RASA1: variants seen among roughly 807,000 people sequenced by gnomAD.
The protein encoded by RASA1 is ras GTPase-activating protein 1.
Under a neutral mutation model 132.2 loss-of-function variants are expected in RASA1, and 25 were observed. That is an observed-to-expected ratio of 0.19 (90% confidence interval 0.14 to 0.26). The LOEUF is 0.26. Ranked by LOEUF, RASA1 falls within the 10% of genes least tolerant of loss-of-function variation. The probability of loss-of-function intolerance (pLI) is 1.00; values close to 1 mark genes in which losing one functional copy is unlikely to be tolerated. For synonymous variants in RASA1, 477 were observed against 449.9 expected, an observed-to-expected ratio of 1.06 and a Z score of -0.76; for missense variants, 964 against 1,299.2, an observed-to-expected ratio of 0.74 and a Z score of 3.97.
At chr5:87,277,753 G>A (rs944336358) in intron 1 of RASA1, among the ~76,000 whole-genome samples, 3 of 151,982 alleles carry the variant, frequency 2.0e-5, no homozygotes, top group African/African-American at 4.8e-5. Context: ...TGAGAAATAA[G>A]GTCCTCATTC....
chr5:87,343,643 C>T (rs1758638096), intron 6 of RASA1, among the ~76,000 whole-genome samples: 1 of 152,066 alleles, frequency 6.6e-6, no homozygotes. Flanking sequence ...AGTGCAGTTA[C>T]TATAGAGCAC....
At chr5:87,365,355 A>C (rs937283430) in intron 11 of RASA1, among the ~76,000 whole-genome samples, 1 of 152,156 alleles carries the variant, frequency 6.6e-6, no homozygotes, top group Non-Finnish European at 1.5e-5. Flanking sequence ...ACTTGGAGAC[A>C]GAGAGCTCTT....
intron 1 of RASA1, among the ~76,000 whole-genome samples, chr5:87,305,893 G>A (rs964937936): frequency 6.6e-6 from 1 of 152,200 alleles, no homozygotes; most frequent in Non-Finnish European, 1.5e-5. Context: ...CAACATCACT[G>A]ATCATTAGAG....
At chr5:87,323,119 A>C (rs1377430629) in intron 1 of RASA1, among the ~76,000 whole-genome samples, 1 of 152,220 alleles carries the variant, frequency 6.6e-6, no homozygotes, top group Non-Finnish European at 1.5e-5. Flanking sequence ...TATTTCCATG[A>C]CTGTGAATAA....
intron 1 of RASA1, among the ~76,000 whole-genome samples, chr5:87,289,172 A>G (rs1224682382): frequency 5.3e-5 from 8 of 152,054 alleles, no homozygotes; most frequent in Non-Finnish European, 1.2e-4. Context: ...ATGTGTCTCA[A>G]TTTGTATTTG....
intron 1 of RASA1, among the ~76,000 whole-genome samples, chr5:87,314,675 G>T (rs1012291183): frequency 1.3e-5 from 2 of 152,124 alleles, no homozygotes; most frequent in Non-Finnish European, 2.9e-5. Flanking sequence ...GGCAAGTAAA[G>T]ATGAGAAACA....
intron 1 of RASA1, among the ~76,000 whole-genome samples, chr5:87,285,075 TTTA>T (rs1754488181): frequency 2.7e-5 from 4 of 150,358 alleles, no homozygotes; most frequent in Non-Finnish European, 5.9e-5. Flanking sequence ...TATTTATTTA[TTTA>T]TTTATTTTGA....
At chr5:87,299,047 GGGA>G (rs1755240822) in intron 1 of RASA1, among the ~76,000 whole-genome samples, 1 of 152,136 alleles carries the variant, frequency 6.6e-6, no homozygotes, top group African/African-American at 2.4e-5. Flanking sequence ...CTAAGCATCT[GGGA>G]GTTCTTTATA....
At chr5:87,270,607 A>G (rs1011467662) in intron 1 of RASA1, among the ~76,000 whole-genome samples, 3 of 141,332 alleles carry the variant, frequency 2.1e-5, no homozygotes, top group Non-Finnish European at 4.6e-5. Context: ...TCAGCCTCCC[A>G]AAGTGGTGGG....
intron 1 of RASA1, among the ~76,000 whole-genome samples, chr5:87,315,806 T>C (rs1756286751): frequency 6.6e-6 from 1 of 152,216 alleles, no homozygotes; most frequent in African/African-American, 2.4e-5. Context: ...CTAGGAATTA[T>C]GGTTATTTGT....
chr5:87,349,112 A>C (rs1419953224), intron 7 of RASA1, 102 bp from the exon 8 acceptor site: 2 of 1,366,452 alleles, frequency 1.5e-6, no homozygotes, highest in South Asian at 1.3e-5. Context: ...GTGAAAATTT[A>C]CATATGTTTA....
At chr5:87,330,860 C>A (rs1441676479) in intron 1 of RASA1, 2 of 862,128 alleles carry the variant, frequency 2.3e-6, no homozygotes, top group Non-Finnish European at 3.3e-6. Flanking sequence ...AAATAGCATC[C>A]TTTAGACAGT....
In RASA1 at chr5:87,268,675, G is replaced by A. The variant is rs200002693; in HGVS notation, c.224G>A (p.Gly75Glu). The A allele has an allele frequency of 2.5e-6, 4 of 1,611,506 alleles. No individual in the cohort carries two copies. In the South Asian group the frequency reaches 3.3e-5, roughly 13 times the overall value. ...TTGGGGTCAGAGTTCCTAGGAGCCG[G>A]GTCTGTGGCAGGGGCACTGGGGGGA... ...AALGSEFLGA[G>E]SVAGALGGAG... The change falls in exon 1 of 25, where the codon GGG (glycine) becomes GAG (glutamate). Residue 75 changes from glycine (G) to glutamate (E), a missense_variant. Physicochemically the swap from Gly to Glu is moderately conservative, Grantham distance 98. Around this residue, in one of 6 missense-constraint regions of RASA1, gnomAD observed 326 missense variants for 275.8 expected, o/e 1.18. Transcript: ENST00000274376.
rs142774970 is a variant in RASA1, at chr5:87,341,397, A to G, written c.1049+76A>G. On this transcript the variant is annotated intron_variant, in intron 6 of 24. Coordinates refer to ENST00000274376, the MANE Select transcript of RASA1 (RefSeq NM_002890.3). ...TTACTAATTGGAAAACTTTGGCCAA[A>G]AAAATTGTTTTTTAAGGTTTTGGAC... The G allele has an allele frequency of 8.3e-4, 911 of 1,092,002 alleles. 8 individuals carry two copies. The African/African-American group carries it at 0.014, about 17-fold the overall frequency. The allele number at this position is 1,092,002 out of a possible 1,614,324, so 67.6% of individuals were successfully genotyped here. A position where few individuals can be genotyped will look rare whatever the true frequency, so the allele number is the denominator to read the frequency against.
chr5:87,312,422 TA>T (rs1455744928), intron 1 of RASA1, among the ~76,000 whole-genome samples: 1 of 152,248 alleles, frequency 6.6e-6, no homozygotes, highest in Non-Finnish European at 1.5e-5. Context: ...TATTAACAGT[TA>T]CTCCATTATG....
At chr5:87,326,163 C>T (rs541138054) in intron 1 of RASA1, among the ~76,000 whole-genome samples, 6 of 152,054 alleles carry the variant, frequency 3.9e-5, no homozygotes, top group South Asian at 2.1e-4. Context: ...GTAGAGATGG[C>T]GTTTTGCCAT....
At chr5:87,336,912 G>A (rs545497925) in intron 4 of RASA1, among the ~76,000 whole-genome samples, 3 of 152,160 alleles carry the variant, frequency 2.0e-5, no homozygotes, top group Non-Finnish European at 4.4e-5. Context: ...TGAGTTAAAT[G>A]TTGTATAATA....
chr5:87,351,237 C>T (rs1166784884), intron 8 of RASA1, among the ~76,000 whole-genome samples: 2 of 150,454 alleles, frequency 1.3e-5, no homozygotes, highest in Admixed American at 1.3e-4. Flanking sequence ...AGCCATTTAT[C>T]GACTTATCTA....
intron 1 of RASA1, among the ~76,000 whole-genome samples, chr5:87,312,668 T>C (rs59565066): frequency 0.025 from 3,770 of 152,272 alleles, 107 homozygotes; most frequent in African/African-American, 0.057. Flanking sequence ...GCAACTGGAA[T>C]CTCAGGGATA....
Sources: allele counts gnomAD v4.1 joint callset (sites outside exome capture counted in the v4.1 genomes callset), GRCh38; gene constraint gnomAD v4.1.1; regional missense constraint gnomAD v4.1.1; transcripts MANE v1.5; gene names NCBI Gene and HGNC (gene_info 2026-07-23, HGNC 2026-07-21).